The following TASP1 variants were observed in gnomAD, a reference collection of about 807,000 sequenced individuals.
The protein encoded by TASP1 is threonine aspartase 1.
In TASP1, 16 loss-of-function variants were observed where a neutral mutation model predicts 56.6. The observed-to-expected ratio is 0.28, with a 90% CI of 0.19 to 0.43. TASP1 has a LOEUF of 0.43. TASP1 is among the 20% of genes least tolerant of loss of function. The pLI is 1.00. For missense variants in TASP1, 393 were observed against 511.6 expected (o/e 0.77, Z 2.24); for synonymous variants, 179 against 184.2 (o/e 0.97, Z 0.23).
chr20:13,162,751 G>A, the TASP1 span, among the ~76,000 whole-genome samples: 1 of 152,116 alleles, frequency 6.6e-6, no homozygotes, highest in Non-Finnish European at 1.5e-5. Context: ...TATATAGCCA[G>A]CCAGTGAACT....
At chr20:13,304,343 C>A in the TASP1 span, among the ~76,000 whole-genome samples, 1 of 152,164 alleles carries the variant, frequency 6.6e-6, no homozygotes, top group East Asian at 1.9e-4. Context: ...TGGGTGGAAT[C>A]AAAGTGGGCG....
chr20:13,431,514 C>A (rs2042805164), intron 12 of TASP1, among the ~76,000 whole-genome samples: 1 of 151,924 alleles, frequency 6.6e-6, no homozygotes, highest in Admixed American at 6.6e-5. Flanking sequence ...AGAATCAATC[C>A]CTGATCAAAC....
chr20:13,297,202 T>A, the TASP1 span, among the ~76,000 whole-genome samples: 3 of 152,150 alleles, frequency 2.0e-5, no homozygotes, highest in Non-Finnish European at 4.4e-5. Context: ...AATAAGCTGT[T>A]TTCCAGAATG....
chr20:13,476,383 A>G (rs971474187), intron 11 of TASP1, among the ~76,000 whole-genome samples: 3 of 152,140 alleles, frequency 2.0e-5, no homozygotes, highest in Admixed American at 6.6e-5. Flanking sequence ...ATTTTCATCC[A>G]TTCATTTGAA....
At chr20:13,148,466 G>A in the TASP1 span, among the ~76,000 whole-genome samples, 1 of 152,172 alleles carries the variant, frequency 6.6e-6, no homozygotes, top group Non-Finnish European at 1.5e-5. Context: ...TGAAAGCTTC[G>A]GAGCATGTAG....
chr20:13,227,269 T>A, the TASP1 span, among the ~76,000 whole-genome samples: 1 of 152,158 alleles, frequency 6.6e-6, no homozygotes, highest in Non-Finnish European at 1.5e-5. Context: ...AGTGGCGCTA[T>A]CTTGGCTCAC....
chr20:13,310,789 A>G, the TASP1 span, among the ~76,000 whole-genome samples: 1 of 152,230 alleles, frequency 6.6e-6, no homozygotes, highest in African/African-American at 2.4e-5. Context: ...GAAGACATAC[A>G]GAAGGCCAAT....
At chr20:13,404,516 G>A (rs1048231495) in intron 13 of TASP1, among the ~76,000 whole-genome samples, 2 of 152,150 alleles carry the variant, frequency 1.3e-5, no homozygotes, top group Non-Finnish European at 2.9e-5. Flanking sequence ...TGATGCAAGA[G>A]GATCGTTTGA....
the TASP1 span, among the ~76,000 whole-genome samples, chr20:13,156,730 A>G: frequency 6.6e-6 from 1 of 152,214 alleles, no homozygotes; most frequent in Admixed American, 6.5e-5. Flanking sequence ...AGCACTTAAT[A>G]TAGTAGTTGG....
chr20:13,469,792 C>CTTTT lies in TASP1; in HGVS notation c.985+13431_985+13434dup, dbSNP rs546419566. Among the ~76,000 whole-genome samples the CTTTT allele has an allele frequency of 9.0e-3, 357 of 39,550 alleles. 74 individuals carry two copies. Among genetic ancestry groups the CTTTT allele is most frequent in the East Asian group, 0.026 (26 of 1,012 alleles). 25.9% of individuals were successfully genotyped at this position (39,550 alleles called of 152,430 possible). ...ACAGTTGTCCAGGTCAATAAATGTC[C>CTTTT]TTTTTTTTTTTTTTTTTTTTTTTTT... On this transcript the variant is annotated intron_variant, in intron 11 of 13. Transcript: ENST00000337743.
chr20:13,543,674 A>G (rs1195037263), intron 8 of TASP1, among the ~76,000 whole-genome samples: 1 of 152,068 alleles, frequency 6.6e-6, no homozygotes, highest in East Asian at 1.9e-4. Flanking sequence ...TAATACACAC[A>G]TTTCTCCACA....
chr20:13,114,051 A>C, the TASP1 span, among the ~76,000 whole-genome samples: 4 of 152,172 alleles, frequency 2.6e-5, no homozygotes, highest in African/African-American at 9.7e-5. Context: ...GGGGATTAAA[A>C]CCAGGTGGCC....
the TASP1 span, among the ~76,000 whole-genome samples, chr20:13,328,762 A>G: frequency 1.4e-4 from 20 of 138,952 alleles, 1 homozygote; most frequent in South Asian, 5.0e-3. Context: ...TGATGAGAAC[A>G]CATGGTCACA....
At chr20:13,126,862 G>C in the TASP1 span, 1 of 1,163,702 alleles carries the variant, frequency 8.6e-7, no homozygotes, top group African/African-American at 1.5e-5. Context: ...CAAAACTGCC[G>C]TTAGCACACC....
intron 8 of TASP1, among the ~76,000 whole-genome samples, chr20:13,539,925 G>A (rs1317899546): frequency 1.3e-5 from 2 of 151,364 alleles, no homozygotes; most frequent in Admixed American, 6.6e-5. Flanking sequence ...GCCTCAGAGT[G>A]CATGTTGAAT....
chr20:13,241,299 C>G, the TASP1 span, among the ~76,000 whole-genome samples: 3 of 152,156 alleles, frequency 2.0e-5, no homozygotes, highest in East Asian at 5.8e-4. Flanking sequence ...AAAAGTTTTA[C>G]TATAAAAAGG....
At chr20:13,610,777 G>C (rs527590560) in intron 4 of TASP1, among the ~76,000 whole-genome samples, 1 of 152,032 alleles carries the variant, frequency 6.6e-6, no homozygotes, top group Non-Finnish European at 1.5e-5. Flanking sequence ...GAAAGCTAGG[G>C]AATCATCATT....
the TASP1 span, among the ~76,000 whole-genome samples, chr20:13,245,769 T>C: frequency 6.6e-6 from 1 of 152,246 alleles, no homozygotes. Context: ...TGCTCTCCTC[T>C]GCTCACAAAC....
chr20:13,154,168 C>G, the TASP1 span: 1 of 1,612,610 alleles, frequency 6.2e-7, no homozygotes, highest in Non-Finnish European at 8.5e-7. Context: ...CATAATCACA[C>G]CTAAACCCCA....
Sources: allele counts gnomAD v4.1 joint callset (sites outside exome capture counted in the v4.1 genomes callset), GRCh38; gene constraint gnomAD v4.1.1; transcripts MANE v1.5; gene names NCBI Gene and HGNC (gene_info 2026-07-23, HGNC 2026-07-21).